PTPRD: variants seen among roughly 807,000 people sequenced by gnomAD.
PTPRD encodes the protein protein tyrosine phosphatase receptor type D, also known as receptor-type tyrosine-protein phosphatase delta.
PTPRD carries 34 observed loss-of-function variants against 214.5 expected under a neutral mutation model. The observed-to-expected ratio is 0.16, with a 90% CI of 0.12 to 0.21. The LOEUF (loss-of-function observed/expected upper bound fraction) is 0.21. PTPRD is among the 10% of genes least tolerant of loss of function. The pLI is 1.00. For synonymous variants in PTPRD, 1,128 were observed against 845.7 expected (o/e 1.33, Z -5.79); for missense variants, 2,545 against 2,398.7 (o/e 1.06, Z -1.27).
At chr9:8,421,211 C>G (rs973995354) in intron 35 of PTPRD, among the ~76,000 whole-genome samples, 1 of 152,154 alleles carries the variant, frequency 6.6e-6, no homozygotes, top group Non-Finnish European at 1.5e-5. Context: ...AACTAGACTC[C>G]TCCTTCTTTC....
intron 2 of PTPRD, among the ~76,000 whole-genome samples, chr9:10,446,138 G>A (rs1317096797): frequency 6.6e-6 from 1 of 152,000 alleles, no homozygotes; most frequent in African/African-American, 2.4e-5. Flanking sequence ...CACCCCCTTT[G>A]AAATAGAAAG....
At chr9:9,745,458 T>G (rs1294085904) in intron 6 of PTPRD, among the ~76,000 whole-genome samples, 1 of 152,090 alleles carries the variant, frequency 6.6e-6, no homozygotes, top group Non-Finnish European at 1.5e-5. Context: ...ACTATGAAAT[T>G]AAAATTTGGA....
intron 2 of PTPRD, among the ~76,000 whole-genome samples, chr9:10,393,920 G>GAA (rs2098119963): frequency 1.4e-5 from 2 of 148,002 alleles, no homozygotes; most frequent in Admixed American, 1.4e-4. Context: ...CATTATGCTT[G>GAA]ATTATATCTT....
At chr9:10,198,373 C>T (rs1257924947) in intron 3 of PTPRD, among the ~76,000 whole-genome samples, 1 of 152,064 alleles carries the variant, frequency 6.6e-6, no homozygotes, top group African/African-American at 2.4e-5. Context: ...ATGATAGTGC[C>T]TGAAAGGAAG....
At chr9:9,597,902 T>C (rs542678163) in intron 7 of PTPRD, among the ~76,000 whole-genome samples, 7 of 152,158 alleles carry the variant, frequency 4.6e-5, no homozygotes, top group Admixed American at 3.9e-4. Flanking sequence ...AAGAATAAAA[T>C]CTTTCCCTAA....
chr9:9,548,042 T>C lies in PTPRD; in HGVS notation c.-237+26690A>G, dbSNP rs569391530. On this transcript the variant is annotated intron_variant, in intron 8 of 45. Coordinates refer to ENST00000381196, the MANE Select transcript of PTPRD (RefSeq NM_002839.4). ...TAAAGAAAAACACTGCTGTCCAATATTTTTTATCCAGCTAAAATGAAGTTG... is the reference window on the plus strand; with the variant it reads ...TAAAGAAAAACACTGCTGTCCAATACTTTTTATCCAGCTAAAATGAAGTTG... 2.6e-5 allele frequency among the ~76,000 whole-genome samples: 4 copies of C among 152,144 alleles called. No homozygotes were observed. In the East Asian group the frequency reaches 7.8e-4, roughly 30 times the overall value.
intron 26 of PTPRD, among the ~76,000 whole-genome samples, chr9:8,495,818 TC>T (rs1345989946): frequency 1.3e-5 from 2 of 152,158 alleles, no homozygotes; most frequent in African/African-American, 4.8e-5. Flanking sequence ...GTTACAAGAT[TC>T]CCAACAAGAG....
At chr9:8,339,776 GT>G (rs369558254) in intron 42 of PTPRD, among the ~76,000 whole-genome samples, 26 of 151,552 alleles carry the variant, frequency 1.7e-4, no homozygotes, top group African/African-American at 6.3e-4. Flanking sequence ...GGTCATAGTG[GT>G]AGAGCAGTAT....
rs182382281 is a variant in PTPRD, at chr9:9,730,437, A to T, written c.-287+4096T>A. Reference sequence around the variant, plus strand: ...TTATTAATGACATGGTTTTACAGGTATAAAAGATATGTATACACAGATCCA... The same window carrying T: ...TTATTAATGACATGGTTTTACAGGTTTAAAAGATATGTATACACAGATCCA... On this transcript the variant is annotated intron_variant, in intron 7 of 45. Coordinates refer to ENST00000381196, the MANE Select transcript of PTPRD (RefSeq NM_002839.4). Among the ~76,000 whole-genome samples the T allele has an allele frequency of 2.0e-4, 31 of 152,260 alleles. No individual in the cohort carries two copies. In the East Asian group the frequency reaches 4.3e-3, roughly 21 times the overall value.
At chr9:9,730,615 T>C (rs1161431279) in intron 7 of PTPRD, among the ~76,000 whole-genome samples, 2 of 152,134 alleles carry the variant, frequency 1.3e-5, no homozygotes, top group Non-Finnish European at 2.9e-5. Context: ...TCAGGGTTAC[T>C]ACTCAAATAT....
intron 3 of PTPRD, among the ~76,000 whole-genome samples, chr9:10,075,622 G>A (rs995580647): frequency 2.6e-5 from 4 of 151,760 alleles, no homozygotes; most frequent in Non-Finnish European, 5.9e-5. Context: ...AAGGCACTCA[G>A]TATATATTTG....
chr9:8,817,082 G>A (rs924048517), intron 11 of PTPRD, among the ~76,000 whole-genome samples: 4 of 152,204 alleles, frequency 2.6e-5, no homozygotes, highest in African/African-American at 9.6e-5. Context: ...GGTATAGCAT[G>A]ATGAAGCTGT....
chr9:9,849,019 C>T lies in PTPRD; in HGVS notation c.-367-82168G>A, dbSNP rs542604385. Among the ~76,000 whole-genome samples the T allele has an allele frequency of 2.0e-5, 3 of 151,798 alleles. No homozygotes were observed. The East Asian group carries it at 5.8e-4, about 30-fold the overall frequency. On this transcript the variant is annotated intron_variant, in intron 5 of 45. Transcript: ENST00000381196. ...TGAGCACGTCCAGTTACCCGAAAAA[C>T]AGGGTGTGTCTATGTATTTGGATGG...
chr9:9,811,563 C>G (rs1471071640), intron 5 of PTPRD, among the ~76,000 whole-genome samples: 13 of 151,984 alleles, frequency 8.6e-5, no homozygotes, highest in Non-Finnish European at 2.9e-5. Flanking sequence ...AAAAATTAGC[C>G]AGGTGTGGTG....
intron 8 of PTPRD, among the ~76,000 whole-genome samples, chr9:9,519,688 T>C (rs922060765): frequency 6.6e-6 from 1 of 151,858 alleles, no homozygotes; most frequent in Non-Finnish European, 1.5e-5. Context: ...AAAACACATA[T>C]TGACAGGAAT....
intron 14 of PTPRD, among the ~76,000 whole-genome samples, chr9:8,558,549 C>A (rs7028141): frequency 9.2e-5 from 14 of 152,068 alleles, no homozygotes; most frequent in Admixed American, 7.2e-4. Flanking sequence ...AGCTCAGAAA[C>A]AGCCTTTTCA....
chr9:8,937,085 G>GT (rs5896282), intron 11 of PTPRD, among the ~76,000 whole-genome samples: 146,828 of 152,052 alleles, frequency 0.97, 71,109 homozygotes, highest in Middle Eastern at 1. Flanking sequence ...AGAAATGGTA[G>GT]TTTTTTTACC....
chr9:10,268,920 T>G (rs1300332077), intron 3 of PTPRD, among the ~76,000 whole-genome samples: 1 of 152,192 alleles, frequency 6.6e-6, no homozygotes, highest in East Asian at 1.9e-4. Context: ...TGTTGTCCTG[T>G]GCGTTGTAGA....
chr9:8,528,875 C>T, intron 14 of PTPRD, 96 bp from the exon 15 acceptor site: 3 of 1,218,400 alleles, frequency 2.5e-6, no homozygotes, highest in African/African-American at 1.5e-5. Flanking sequence ...TTACTCAGTG[C>T]TTGTTGAGAA....
Sources: allele counts gnomAD v4.1 joint callset (sites outside exome capture counted in the v4.1 genomes callset), GRCh38; gene constraint gnomAD v4.1.1; transcripts MANE v1.5; gene names NCBI Gene and HGNC (gene_info 2026-07-23, HGNC 2026-07-21).